The following PRPF8 variants were observed in gnomAD, a reference collection of about 807,000 sequenced individuals.
PRPF8 encodes pre-mRNA-processing-splicing factor 8.
A neutral mutation model predicts 285.9 loss-of-function variants in PRPF8; 64 were observed. The observed-to-expected ratio is 0.22, with a 90% confidence interval of 0.18 to 0.28. PRPF8 has a LOEUF of 0.28. Among genes scored for constraint, PRPF8 ranks in the 10% least tolerant of loss-of-function variants. The pLI, the probability that PRPF8 is intolerant of heterozygous loss-of-function variation, is 1.00. For missense variants in PRPF8, 1,426 were observed against 3,026.7 expected (o/e 0.47, Z 12.41); for synonymous variants, 1,325 against 1,118.2 (o/e 1.18, Z -3.69).
At chr17:1,663,569 C>T (rs938865787) in intron 24 of PRPF8, among the ~76,000 whole-genome samples, 10 of 151,698 alleles carry the variant, frequency 6.6e-5, no homozygotes, top group South Asian at 2.1e-4. Context: ...ATTAGCTGAG[C>T]GTGGTGGCAC....
At position 1,676,033 on chromosome 17, in the gene PRPF8, C is replaced by G; in HGVS notation, c.2574G>C (p.Gln858His). Residue 858 changes from glutamine to histidine, a missense_variant, in exon 18 of 43, where the codon CAG (glutamine) becomes CAC (histidine). Around this residue, in one of 34 missense-constraint regions of PRPF8, gnomAD observed 70 missense variants for 273.7 expected, o/e 0.26. Coordinates refer to ENST00000304992, the MANE Select transcript of PRPF8 (RefSeq NM_006445.4). This position sits in a 1 kb window ranked among gnomAD's most constrained non-coding sequence, Gnocchi z 6.3. ...EAYSVKSRLN[Q>H]SQREELGLIE... is the part of the protein sequence containing the mutation. The stretch of plus-strand genomic sequence containing the variant: ...TCAGACCTAGCTCCTCCCTCTGAGA[C>G]TGGTTCAACCGAGACTTCACACTGA... The G allele has an allele frequency of 6.2e-7, 1 of 1,613,358 alleles. No individual in the cohort carries two copies.
Position 1,651,669 on chromosome 17 carries a change from C to T in PRPF8, c.6489G>A (p.Leu2163=). 6.2e-7 allele frequency: 1 copy of T among 1,614,198 alleles called. No individual in the cohort carries two copies. The highest frequency in any genetic ancestry group is 1.6e-4 in the Middle Eastern group (1 of 6,062). The change falls in exon 40 of 43, where the codon CTG becomes CTA. Residue 2163 remains leucine (L), a synonymous_variant. Transcript: ENST00000304992. This position sits in a 1 kb window ranked among gnomAD's most constrained non-coding sequence, Gnocchi z 5.1. ...TTACCTTGAGGTACTCATGCTGGGG[C>T]AGCTGGCCAGGCAGGTGCACGGTCT... ...THQTVHLPGQ[L]PQHEYLKEME...
chr17:1,674,800 G>C, intron 20 of PRPF8, 120 bp from the exon 21 acceptor site: 1 of 1,066,554 alleles, frequency 9.4e-7, no homozygotes, highest in South Asian at 1.3e-5. Context: ...AGGCGGAGTT[G>C]TGCTCAGTCA....
chr17:1,677,283 A>G, intron 14 of PRPF8, 111 bp from the exon 15 acceptor site: 1 of 1,179,220 alleles, frequency 8.5e-7, no homozygotes, highest in South Asian at 1.2e-5. Flanking sequence ...TTAGGTATTA[A>G]CAAAGCGTCC....
At chr17:1,664,593 G>A (rs529847167) in intron 24 of PRPF8, among the ~76,000 whole-genome samples, 29 of 140,866 alleles carry the variant, frequency 2.1e-4, no homozygotes, top group Admixed American at 1.7e-3. Context: ...GATCGCTTGC[G>A]CCCAGGAGTT....
In PRPF8 at chr17:1,673,697, G is replaced by A; in HGVS notation, c.3446+49C>T. ...GCAGCCTCAGGTATGCCCTCTCTGG[G>A]CCCTTAGCTTATGTCCTTCCAGCTC... On this transcript the variant is annotated intron_variant, in intron 22 of 42. Transcript: ENST00000304992. The surrounding 1 kb of genome is among the most constrained non-coding windows in gnomAD (Gnocchi z 5.5). The A allele has an allele frequency of 6.2e-7, 1 of 1,613,000 alleles. No individual in the cohort carries two copies. The highest frequency in any genetic ancestry group is 8.5e-7 in the Non-Finnish European group (1 of 1,179,800).
chr17:1,674,428 A>C lies in PRPF8; in HGVS notation c.3299+14T>G. ...CAGTACCCTGCAAGGCTAGGAATCC[A>C]GGAAAGCCCTCACCTGAAAAAAATA... On this transcript the variant is annotated intron_variant, in intron 21 of 42. Transcript: ENST00000304992. 6.2e-7 allele frequency: 1 copy of C among 1,612,370 alleles called. No individual in the cohort carries two copies. The highest frequency in any genetic ancestry group is 8.5e-7 in the Non-Finnish European group (1 of 1,178,440).
intron 29 of PRPF8, 55 bp downstream of exon 29, chr17:1,660,643 G>A: frequency 6.2e-7 from 1 of 1,614,200 alleles, no homozygotes; most frequent in Non-Finnish European, 8.5e-7. Context: ...ACATAACCAA[G>A]GCAAGAAGCA....
rs1486200142 is a variant in PRPF8 at position 1,653,258 on chromosome 17, C to A, written c.6369+284G>T. ...CCCAGCCGAGTGTTGGGATTACAGG[C>A]ATGAGCCAGCACGCACACCTGGTCA... is the stretch of plus-strand genomic sequence containing the variant. On this transcript the variant is annotated intron_variant, in intron 39 of 42. Coordinates refer to ENST00000304992, the MANE Select transcript of PRPF8 (RefSeq NM_006445.4). The surrounding 1 kb of genome is among the most constrained non-coding windows in gnomAD (Gnocchi z 4.9). 6 of 553,114 alleles carry A rather than the reference C, an allele frequency of 1.1e-5. No individual in the cohort carries two copies. Among genetic ancestry groups the A allele is most frequent in the Non-Finnish European group, 2.0e-5 (6 of 306,064 alleles). 34.3% of individuals were successfully genotyped at this position (553,114 alleles called of 1,614,324 possible).
At position 1,651,948 on chromosome 17, in the gene PRPF8, A is replaced by G. The variant is rs1911098512; in HGVS notation, c.6370-160T>C. 1.1e-6 allele frequency: 1 copy of G among 935,824 alleles called. No individual in the cohort carries two copies. The highest frequency in any genetic ancestry group is 1.7e-6 in the Non-Finnish European group (1 of 595,062). The allele number at this position is 935,824 out of a possible 1,614,324, so 58.0% of individuals were successfully genotyped here. A position where few individuals can be genotyped will look rare whatever the true frequency, so the allele number is the denominator to read the frequency against. On this transcript the variant is annotated intron_variant, in intron 39 of 42. Transcript: ENST00000304992. The surrounding 1 kb of genome is among the most constrained non-coding windows in gnomAD (Gnocchi z 5.1). ...CAGAATCAGCTGGGGTGCTTGTTCA[A>G]AATGTTAGACATGGACCTCATCGCG...
At position 1,676,078 on chromosome 17, in the gene PRPF8, G is replaced by A. The variant is rs1243789105; in HGVS notation, c.2553-24C>T. 1 of 1,612,662 alleles carries A rather than the reference G, an allele frequency of 6.2e-7. No individual in the cohort carries two copies. The highest frequency in any genetic ancestry group is 8.5e-7 in the Non-Finnish European group (1 of 1,180,014). On this transcript the variant is annotated intron_variant, in intron 17 of 42. Transcript: ENST00000304992. This position sits in a 1 kb window ranked among gnomAD's most constrained non-coding sequence, Gnocchi z 6.3. The stretch of plus-strand genomic sequence containing the variant: ...CACTGACAAAAGCAATGGGAAGGGT[G>A]AATGGGAAAACTAGGAGGAAGTAAA...
chr17:1,679,458 C>G lies in PRPF8; in HGVS notation c.1290-48G>C, dbSNP rs769521786. 1.6e-5 allele frequency: 25 copies of G among 1,611,460 alleles called. No individual in the cohort carries two copies. The Admixed American group carries it at 4.0e-4, about 26-fold the overall frequency. ...GTTTGGCCATCTCTTCTTCCAGACA[C>G]TCTGCTAAAGGCTGCAAGCCTTGGG... On this transcript the variant is annotated intron_variant, in intron 9 of 42. Coordinates refer to ENST00000304992, the MANE Select transcript of PRPF8 (RefSeq NM_006445.4). This position sits in a 1 kb window ranked among gnomAD's most constrained non-coding sequence, Gnocchi z 4.7.
chr17:1,675,478 T>C lies in PRPF8; in HGVS notation c.2873-139A>G. Reference sequence around the variant, plus strand: ...TTTGGATTGCTTTGACTATGGGCTTTTCCTCAGTTTAACACGAACACTACT... The same window carrying C: ...TTTGGATTGCTTTGACTATGGGCTTCTCCTCAGTTTAACACGAACACTACT... On this transcript the variant is annotated intron_variant, in intron 19 of 42. Transcript: ENST00000304992. This position sits in a 1 kb window ranked among gnomAD's most constrained non-coding sequence, Gnocchi z 6.0. 1 of 1,447,930 alleles carries C rather than the reference T, an allele frequency of 6.9e-7. No homozygotes were observed. The highest frequency in any genetic ancestry group is 9.7e-7 in the Non-Finnish European group (1 of 1,033,754). The allele number at this position is 1,447,930 out of a possible 1,614,324, so 89.7% of individuals were successfully genotyped here. A position where few individuals can be genotyped will look rare whatever the true frequency, so the allele number is the denominator to read the frequency against.
rs532581338 is a variant in PRPF8, at chr17:1,652,487, C to T, written c.6370-699G>A. 3.9e-5 allele frequency among the ~76,000 whole-genome samples: 6 copies of T among 152,344 alleles called. No homozygotes were observed. The East Asian group carries it at 1.2e-3, about 29-fold the overall frequency. ...CTCCTGACCTCAAGTGATTCACCCA[C>T]CTTGGCCCAAAATGATGTTTTATAA... is the stretch of plus-strand genomic sequence containing the variant. On this transcript the variant is annotated intron_variant, in intron 39 of 42. Coordinates refer to ENST00000304992, the MANE Select transcript of PRPF8 (RefSeq NM_006445.4).
chr17:1,662,940 A>G (rs371749641), intron 24 of PRPF8, among the ~76,000 whole-genome samples: 26 of 152,314 alleles, frequency 1.7e-4, no homozygotes, highest in African/African-American at 6.3e-4. Context: ...ATGCAAAAAA[A>G]TATTTTTTCT....
At position 1,680,713 on chromosome 17, in the gene PRPF8, T is replaced by C. The variant is rs370864378; in HGVS notation, c.1098+13A>G. 2 of 1,601,928 alleles carry C rather than the reference T, an allele frequency of 1.2e-6. No individual in the cohort carries two copies. Among genetic ancestry groups the C allele is most frequent in the African/African-American group, 1.3e-5 (1 of 74,750 alleles). ...TAGAAGAGCTGAGGGAAAGCATCCC[T>C]TCCCTTCCTCACCTTGACTGAGTGC... On this transcript the variant is annotated intron_variant, in intron 8 of 42. Transcript: ENST00000304992.
Position 1,653,254 on chromosome 17 carries a change from C to T in PRPF8, c.6369+288G>A. 1 of 545,806 alleles carries T rather than the reference C, an allele frequency of 1.8e-6. No individual in the cohort carries two copies. The highest frequency in any genetic ancestry group is 2.0e-5 in the South Asian group (1 of 49,690). The allele number at this position is 545,806 out of a possible 1,614,324, so 33.8% of individuals were successfully genotyped here. On this transcript the variant is annotated intron_variant, in intron 39 of 42. Transcript: ENST00000304992. This position sits in a 1 kb window ranked among gnomAD's most constrained non-coding sequence, Gnocchi z 4.9. ...TGTGCCCAGCCGAGTGTTGGGATTA[C>T]AGGCATGAGCCAGCACGCACACCTG... is the stretch of plus-strand genomic sequence containing the variant.
In PRPF8 at chr17:1,659,815, C is replaced by T. The variant is rs987063578; in HGVS notation, c.4946+26G>A. 27 of 1,612,634 alleles carry T rather than the reference C, an allele frequency of 1.7e-5. No homozygotes were observed. Among genetic ancestry groups the T allele is most frequent in the Admixed American group, 5.0e-5 (3 of 59,986 alleles). On this transcript the variant is annotated intron_variant, in intron 31 of 42. Transcript: ENST00000304992. This position sits in a 1 kb window ranked among gnomAD's most constrained non-coding sequence, Gnocchi z 5.1. The stretch of plus-strand genomic sequence containing the variant: ...AGGAAAACGAAAGTGTCCTGGCTGC[C>T]TAGGGCTGGGTCCTGAGGCACTTAC...
In PRPF8 at chr17:1,675,835, C is replaced by A; in HGVS notation, c.2680-23G>T. ...CACCTGTGGGACAAGGAGGCTGGTT[C>A]ACACCAATCCACCAACTGCTACCTT... On this transcript the variant is annotated intron_variant, in intron 18 of 42. Coordinates refer to ENST00000304992, the MANE Select transcript of PRPF8 (RefSeq NM_006445.4). The surrounding 1 kb of genome is among the most constrained non-coding windows in gnomAD (Gnocchi z 6.0). 2 of 1,614,114 alleles carry A rather than the reference C, an allele frequency of 1.2e-6. No individual in the cohort carries two copies. The highest frequency in any genetic ancestry group is 1.7e-6 in the Non-Finnish European group (2 of 1,180,010).
Sources: allele counts gnomAD v4.1 joint callset (sites outside exome capture counted in the v4.1 genomes callset), GRCh38; gene constraint gnomAD v4.1.1; regional missense constraint gnomAD v4.1.1; non-coding constraint Gnocchi (gnomAD v3.1); transcripts MANE v1.5; gene names NCBI Gene and HGNC (gene_info 2026-07-23, HGNC 2026-07-21).